The following ATRNL1 variants were observed in gnomAD, a reference collection of about 807,000 sequenced individuals.
ATRNL1 encodes the protein attractin-like protein 1.
In ATRNL1, 95 loss-of-function variants were observed where a neutral mutation model predicts 182.7. The ratio of observed to expected loss-of-function variants is 0.52; its 90% CI spans 0.44 to 0.62. The LOEUF (loss-of-function observed/expected upper bound fraction) is 0.62. ATRNL1 is among the 20% of genes least tolerant of loss of function. The pLI is 0.00. For synonymous variants in ATRNL1, 576 were observed against 568.3 expected (o/e 1.01, Z -0.19); for missense variants, 1,471 against 1,679.5 (o/e 0.88, Z 2.17).
chr10:115,559,443 T>TAC (rs782381060), intron 26 of ATRNL1, among the ~76,000 whole-genome samples: 1 of 77,788 alleles, frequency 1.3e-5, no homozygotes, highest in Non-Finnish European at 3.2e-5. Flanking sequence ...TGTGTGTGTG[T>TAC]GCGCGCGCGC....
rs545045431 is a variant in ATRNL1 at position 115,712,572 on chromosome 10, T to C, written c.3796-14676T>C. The stretch of plus-strand genomic sequence containing the variant: ...GAAACATTGCTGCCTTCTTGCAAGA[T>C]TTAGAAATTTGTGGCTGGGCGGAGT... On this transcript the variant is annotated intron_variant, in intron 26 of 28. Transcript: ENST00000355044. Among the ~76,000 whole-genome samples, 8 of 152,212 alleles carry C rather than the reference T, an allele frequency of 5.3e-5. No homozygotes were observed. In the South Asian group the frequency reaches 1.5e-3, roughly 28 times the overall value.
At chr10:115,477,070 T>G (rs1848566127) in intron 24 of ATRNL1, among the ~76,000 whole-genome samples, 2 of 151,548 alleles carry the variant, frequency 1.3e-5, no homozygotes, top group South Asian at 4.1e-4. Context: ...TTTCTTATAC[T>G]CTTAAAAAAG....
intron 24 of ATRNL1, among the ~76,000 whole-genome samples, chr10:115,514,479 A>AG (rs1554983417): frequency 6.6e-6 from 1 of 151,280 alleles, no homozygotes; most frequent in African/African-American, 2.4e-5. Context: ...GGCAGATGTA[A>AG]AAAAAATATA....
chr10:115,488,822 G>A (rs1264277390), intron 24 of ATRNL1, among the ~76,000 whole-genome samples: 1 of 152,124 alleles, frequency 6.6e-6, no homozygotes, highest in Non-Finnish European at 1.5e-5. Context: ...ATGTTAGGGT[G>A]TCAATTTTAG....
intron 27 of ATRNL1, among the ~76,000 whole-genome samples, chr10:115,777,519 C>T (rs1949157424): frequency 6.6e-6 from 1 of 152,022 alleles, no homozygotes; most frequent in South Asian, 2.1e-4. Context: ...TCCTGTAGCA[C>T]TAAGAAAAAT....
intron 26 of ATRNL1, among the ~76,000 whole-genome samples, chr10:115,633,509 T>A (rs1307443677): frequency 1.3e-5 from 2 of 152,216 alleles, no homozygotes; most frequent in Non-Finnish European, 2.9e-5. Flanking sequence ...AGTTGAAATG[T>A]TTTGATAGAA....
At position 115,704,657 on chromosome 10, in the gene ATRNL1, A is replaced by G. The variant is rs1946841874; in HGVS notation, c.3796-22591A>G. Among the ~76,000 whole-genome samples, 8 of 151,898 alleles carry G rather than the reference A, an allele frequency of 5.3e-5. No homozygotes were observed. In the Admixed American group the frequency reaches 5.3e-4, roughly 10 times the overall value. ...ATTTTTAAGCTAAAAAATGAAAGCT[A>G]ACACACCTAGGTTCGCCATCCCTAT... On this transcript the variant is annotated intron_variant, in intron 26 of 28. Transcript: ENST00000355044.
At chr10:115,226,597 C>A (rs1849707820) in intron 9 of ATRNL1, among the ~76,000 whole-genome samples, 1 of 151,446 alleles carries the variant, frequency 6.6e-6, no homozygotes, top group East Asian at 1.9e-4. Flanking sequence ...TAATATATAA[C>A]CAAAAAAGAG....
chr10:115,906,553 G>T (rs958204530), intron 28 of ATRNL1, among the ~76,000 whole-genome samples: 2 of 152,050 alleles, frequency 1.3e-5, no homozygotes, highest in Non-Finnish European at 2.9e-5. Flanking sequence ...AGACAAAATA[G>T]GCATTTAGTA....
At position 115,496,367 on chromosome 10, in the gene ATRNL1, T is replaced by C. The variant is rs76835615; in HGVS notation, c.3655-22896T>C. 2.7e-3 allele frequency among the ~76,000 whole-genome samples: 411 copies of C among 152,346 alleles called. 1 individual carries two copies. Among genetic ancestry groups the C allele is most frequent in the Non-Finnish European group, 4.6e-3 (316 of 68,030 alleles). ...GATTTAGCACTCCTTAAGGATCTTT[T>C]ATAAGGCAGGTAATGAATTCCGTTA... On this transcript the variant is annotated intron_variant, in intron 24 of 28. Transcript: ENST00000355044.
intron 24 of ATRNL1, among the ~76,000 whole-genome samples, chr10:115,482,733 A>G (rs902103343): frequency 2.0e-5 from 3 of 151,182 alleles, no homozygotes; most frequent in Non-Finnish European, 4.5e-5. Flanking sequence ...TGCTTCATAT[A>G]GGAAGCTCAG....
intron 24 of ATRNL1, among the ~76,000 whole-genome samples, chr10:115,516,373 TTC>T (rs1405515205): frequency 6.6e-6 from 1 of 151,832 alleles, no homozygotes; most frequent in Non-Finnish European, 1.5e-5. Context: ...GTCTCCTCAC[TTC>T]TCTCTCTAAA....
chr10:115,823,839 A>T (rs1175985543), intron 27 of ATRNL1, among the ~76,000 whole-genome samples: 3 of 152,242 alleles, frequency 2.0e-5, no homozygotes, highest in Non-Finnish European at 2.9e-5. Flanking sequence ...TATTGTGAAT[A>T]TGGCCATACT....
chr10:115,361,150 G>A (rs1554944107), intron 19 of ATRNL1, among the ~76,000 whole-genome samples: 1 of 151,842 alleles, frequency 6.6e-6, no homozygotes, highest in Non-Finnish European at 1.5e-5. Flanking sequence ...TCTTTCACCC[G>A]CTAGTTCTAA....
At chr10:115,201,638 G>A (rs1291123562) in intron 8 of ATRNL1, among the ~76,000 whole-genome samples, 40 of 152,248 alleles carry the variant, frequency 2.6e-4, no homozygotes, top group Admixed American at 2.6e-3. Flanking sequence ...CTGTAGCCTT[G>A]TAGTATAGTT....
At chr10:115,429,619 C>T (rs1212753482) in intron 21 of ATRNL1, among the ~76,000 whole-genome samples, 2 of 152,068 alleles carry the variant, frequency 1.3e-5, no homozygotes, top group African/African-American at 4.8e-5. Context: ...TCATTCTGGG[C>T]TAAACCATAC....
At chr10:115,279,169 T>A (rs1236954743) in intron 13 of ATRNL1, among the ~76,000 whole-genome samples, 1 of 148,794 alleles carries the variant, frequency 6.7e-6, no homozygotes, top group Non-Finnish European at 1.5e-5. Context: ...ACCACTGCAC[T>A]CCAGCCTGGG....
intron 19 of ATRNL1, among the ~76,000 whole-genome samples, chr10:115,369,288 G>T (rs10885699): frequency 0.29 from 42,387 of 146,768 alleles, 7,513 homozygotes; most frequent in Middle Eastern, 0.45. Flanking sequence ...TTCTTTGAAG[G>T]GGATTGGGGT....
Position 115,499,632 on chromosome 10 carries a change from G to T in ATRNL1, c.3655-19631G>T, listed in dbSNP as rs559335311. Among the ~76,000 whole-genome samples, 6 of 152,308 alleles carry T rather than the reference G, an allele frequency of 3.9e-5. No individual in the cohort carries two copies. In the South Asian group the frequency reaches 1.2e-3, roughly 32 times the overall value. On this transcript the variant is annotated intron_variant, in intron 24 of 28. Transcript: ENST00000355044. ...GTCTGGAAAGGCAGGACAGCTGGAA[G>T]CAAAGATGGGAAGACTTGAAGGAGG... is the stretch of plus-strand genomic sequence containing the variant.
Sources: gnomAD v4.1 joint callset for allele counts (sites outside exome capture counted in the v4.1 genomes callset) on GRCh38, gnomAD v4.1.1 for gene constraint, MANE v1.5 for transcripts, NCBI Gene and HGNC (gene_info 2026-07-23, HGNC 2026-07-21) for gene names.